ST18: variants seen among roughly 807,000 people sequenced by gnomAD.
ST18 encodes ST18 C2H2C-type zinc finger transcription factor.
Under a neutral mutation model 110.0 loss-of-function variants are expected in ST18, and 50 were observed. The observed-to-expected ratio is 0.45, with a 90% CI of 0.36 to 0.58. The LOEUF is 0.58. Among genes scored for constraint, ST18 ranks in the 20% least tolerant of loss-of-function variants. The pLI is 0.00. For synonymous variants in ST18, 461 were observed against 452.4 expected (o/e 1.02, Z -0.24); for missense variants, 1,306 against 1,280.1 (o/e 1.02, Z -0.31).
intron 2 of ST18, among the ~76,000 whole-genome samples, chr8:52,314,874 C>G (rs2095995151): frequency 6.6e-6 from 1 of 152,190 alleles, no homozygotes; most frequent in Non-Finnish European, 1.5e-5. Context: ...TGCCCTGACA[C>G]AGCCAGCCAG....
rs771345222 is a variant in ST18 at position 52,131,943 on chromosome 8, G to GAA, written c.2666+13_2666+14dup. On this transcript the variant is annotated intron_variant, in intron 22 of 25. Coordinates refer to ENST00000689386, the MANE Select transcript of ST18 (RefSeq NM_001352837.2). ...ATCACAACACTACAACAAAAAGACA[G>GAA]AAAACTCATGTTACCTTCGGTGGGT... The GAA allele has an allele frequency of 6.2e-6, 10 of 1,613,018 alleles. No individual in the cohort carries two copies. The highest frequency in any genetic ancestry group is 8.5e-6 in the Non-Finnish European group (10 of 1,179,464).
In ST18 at chr8:52,150,445, A is replaced by T. The variant is rs1414885163; in HGVS notation, c.1807-468T>A. On this transcript the variant is annotated intron_variant, in intron 15 of 25. Coordinates refer to ENST00000689386, the MANE Select transcript of ST18 (RefSeq NM_001352837.2). ...ACTTTCCAACCCTTCAAATCATAAT[A>T]TTAATCTCACATGAGAAATATGCAA... Among the ~76,000 whole-genome samples the T allele has an allele frequency of 7.9e-5, 12 of 152,238 alleles. No individual in the cohort carries two copies. The East Asian group carries it at 2.3e-3, about 29-fold the overall frequency.
chr8:52,239,038 C>T (rs535684493), intron 2 of ST18, among the ~76,000 whole-genome samples: 16 of 151,942 alleles, frequency 1.1e-4, no homozygotes, highest in Admixed American at 6.6e-4. Context: ...TTATGTATGC[C>T]GAAACATGGA....
intron 2 of ST18, among the ~76,000 whole-genome samples, chr8:52,356,823 G>GA (rs1216957677): frequency 2.0e-5 from 3 of 152,104 alleles, no homozygotes; most frequent in Non-Finnish European, 4.4e-5. Context: ...TTCTGGAGTT[G>GA]AAAACCAAAA....
chr8:52,343,184 A>C (rs1564535866), intron 2 of ST18, among the ~76,000 whole-genome samples: 1 of 152,156 alleles, frequency 6.6e-6, no homozygotes, highest in Admixed American at 6.5e-5. Context: ...TAGCCAGGGC[A>C]GAGGTGGGGG....
intron 15 of ST18, among the ~76,000 whole-genome samples, chr8:52,155,899 G>T (rs2059897922): frequency 6.6e-6 from 1 of 152,136 alleles, no homozygotes; most frequent in Non-Finnish European, 1.5e-5. Flanking sequence ...TTGGCTTGAT[G>T]TCAAAAAGAT....
At chr8:52,227,846 C>G (rs1454492902) in intron 3 of ST18, among the ~76,000 whole-genome samples, 4 of 152,086 alleles carry the variant, frequency 2.6e-5, no homozygotes, top group Non-Finnish European at 5.9e-5. Flanking sequence ...TTGTCCAGGT[C>G]CAGTTTCTCT....
chr8:52,304,640 T>C (rs1051751423), intron 2 of ST18, among the ~76,000 whole-genome samples: 4 of 152,244 alleles, frequency 2.6e-5, no homozygotes, highest in African/African-American at 4.8e-5. Context: ...TGATTTTCTT[T>C]TTGCTCTTTG....
chr8:52,199,192 G>A (rs553471735), intron 8 of ST18: 2 of 150,674 alleles, frequency 1.3e-5, no homozygotes, highest in African/African-American at 2.4e-5. Flanking sequence ...AAAGCCATCC[G>A]TGACACGGTT....
chr8:52,377,131 A>G (rs891714712), intron 2 of ST18, among the ~76,000 whole-genome samples: 5 of 152,208 alleles, frequency 3.3e-5, no homozygotes, highest in African/African-American at 1.2e-4. Flanking sequence ...ACATGGAAAA[A>G]ATTGGTGATG....
At chr8:52,148,176 C>T (rs2057860301) in intron 16 of ST18, among the ~76,000 whole-genome samples, 1 of 152,184 alleles carries the variant, frequency 6.6e-6, no homozygotes, top group Admixed American at 6.5e-5. Flanking sequence ...GCATCAGTTT[C>T]ACATTCGTTA....
At chr8:52,211,377 A>AATTATT (rs3054637) in intron 8 of ST18, among the ~76,000 whole-genome samples, 6,837 of 138,336 alleles carry the variant, frequency 0.049, 172 homozygotes, top group East Asian at 0.11. Context: ...GGAATCATCT[A>AATTATT]ATTATTATTA....
intron 2 of ST18, among the ~76,000 whole-genome samples, chr8:52,316,967 T>C (rs1037637902): frequency 1.3e-5 from 2 of 152,244 alleles, no homozygotes; most frequent in Non-Finnish European, 2.9e-5. Flanking sequence ...GAAGCCTTCA[T>C]CTCTACCCAA....
At chr8:52,281,405 GA>G (rs1388889831) in intron 2 of ST18, among the ~76,000 whole-genome samples, 1 of 151,962 alleles carries the variant, frequency 6.6e-6, no homozygotes, top group Admixed American at 6.6e-5. Flanking sequence ...AGAGACTAAA[GA>G]AAAAATTAAG....
intron 19 of ST18, 90 bp downstream of exon 19, chr8:52,136,500 T>A: frequency 7.6e-7 from 1 of 1,309,508 alleles, no homozygotes; most frequent in Non-Finnish European, 1.1e-6. Context: ...ATACTGCTTG[T>A]TGCTGATCAC....
chr8:52,197,588 AT>A (rs1156578927), intron 8 of ST18, among the ~76,000 whole-genome samples: 6 of 152,238 alleles, frequency 3.9e-5, no homozygotes, highest in Non-Finnish European at 8.8e-5. Context: ...ACGGTAATGA[AT>A]AAAGTACAGA....
intron 2 of ST18, among the ~76,000 whole-genome samples, chr8:52,324,304 T>G (rs1216877865): frequency 7.3e-6 from 1 of 136,132 alleles, no homozygotes; most frequent in African/African-American, 3.2e-5. Context: ...TGATAGATGA[T>G]GGATGGATGG....
chr8:52,365,865 A>AT (rs34886267), intron 2 of ST18, among the ~76,000 whole-genome samples: 2,055 of 142,656 alleles, frequency 0.014, 16 homozygotes, highest in African/African-American at 0.031. Flanking sequence ...TGCCTAGCTA[A>AT]TTTTTTTTTT....
chr8:52,163,955 G>T, intron 13 of ST18, 31 bp downstream of exon 13: 1 of 1,550,684 alleles, frequency 6.4e-7, no homozygotes, highest in South Asian at 1.1e-5. Flanking sequence ...TGGATGAAGA[G>T]AGCACTGAGA....
Sources: gnomAD v4.1 joint callset for allele counts (sites outside exome capture counted in the v4.1 genomes callset) on GRCh38, gnomAD v4.1.1 for gene constraint, MANE v1.5 for transcripts, NCBI Gene and HGNC (gene_info 2026-07-23, HGNC 2026-07-21) for gene names.